DNAH9: variants seen among roughly 807,000 people sequenced by gnomAD.
DNAH9 encodes DNAH9 variant protein.
A neutral mutation model predicts 471.6 loss-of-function variants in DNAH9; 345 were observed. The observed-to-expected ratio is 0.73, with a 90% CI of 0.67 to 0.80. DNAH9 has a LOEUF of 0.80. Ranked by LOEUF, DNAH9 falls within the 30% of genes least tolerant of loss-of-function variation. DNAH9 has a pLI of 0.00. For missense variants in DNAH9, 5,407 were observed against 5,609.2 expected (o/e 0.96, Z 1.15); for synonymous variants, 2,093 against 2,123.6 (o/e 0.99, Z 0.40).
chr17:11,788,804 GAC>G (rs1199471267), intron 41 of DNAH9, among the ~76,000 whole-genome samples: 1 of 152,090 alleles, frequency 6.6e-6, no homozygotes, highest in African/African-American at 2.4e-5. Context: ...GTAGCATTTT[GAC>G]ACAGTCGTGA....
intron 8 of DNAH9, 130 bp from the exon 9 acceptor site, chr17:11,636,504 C>A: frequency 1.5e-6 from 1 of 652,522 alleles, no homozygotes; most frequent in Non-Finnish European, 2.7e-6. Flanking sequence ...AGGTCCAGCT[C>A]CACAATAACA....
In DNAH9 at chr17:11,679,858, T is replaced by A. The variant is rs1342596756; in HGVS notation, c.3455T>A (p.Leu1152His). 6.2e-7 allele frequency: 1 copy of A among 1,614,064 alleles called. No individual in the cohort carries two copies. The highest frequency in any genetic ancestry group is 2.2e-5 in the East Asian group (1 of 44,868). ...FQGLVEIMGHLMAVKERQSNT... is the reference protein window; with the variant it reads ...FQGLVEIMGHHMAVKERQSNT... ...GGCTTGGTTGAGATCATGGGACACC[T>A]TATGGCTGTTAAAGAACGGCAGAGT... Residue 1152 changes from leucine to histidine, a missense_variant, in exon 18 of 69, where the codon CTT becomes CAT. Transcript: ENST00000262442.
At chr17:11,938,579 T>TA (rs1232011649) in intron 66 of DNAH9, among the ~76,000 whole-genome samples, 1 of 151,946 alleles carries the variant, frequency 6.6e-6, no homozygotes, top group African/African-American at 2.4e-5. Context: ...CACCCCATGG[T>TA]ACTGCCTGGA....
intron 45 of DNAH9, among the ~76,000 whole-genome samples, chr17:11,815,175 C>A (rs1970052701): frequency 7.1e-6 from 1 of 141,370 alleles, no homozygotes; most frequent in African/African-American, 2.6e-5. Context: ...TCAGACTTTT[C>A]TTTTCCTTTT....
intron 6 of DNAH9, among the ~76,000 whole-genome samples, chr17:11,624,492 G>C (rs755615832): frequency 6.6e-6 from 1 of 151,210 alleles, no homozygotes; most frequent in Non-Finnish European, 1.5e-5. Context: ...GTGGGTGACA[G>C]AGCAAGACTC....
At chr17:11,786,373 A>G (rs1968869392) in intron 41 of DNAH9, among the ~76,000 whole-genome samples, 1 of 152,152 alleles carries the variant, frequency 6.6e-6, no homozygotes, top group African/African-American at 2.4e-5. Flanking sequence ...GTGGAATAGC[A>G]AGGAGTTTAG....
In DNAH9 at chr17:11,909,091, A is replaced by G. The variant is rs142040588; in HGVS notation, c.11749+3282A>G. 7.2e-5 allele frequency among the ~76,000 whole-genome samples: 11 copies of G among 152,358 alleles called. No individual in the cohort carries two copies. The East Asian group carries it at 2.1e-3, about 29-fold the overall frequency. The stretch of plus-strand genomic sequence containing the variant: ...GCATATCCACGAACTCAAACATTTA[A>G]TCATTTCCTTGTGTTGGGAACGTTC... On this transcript the variant is annotated intron_variant, in intron 61 of 68. Coordinates refer to ENST00000262442, the MANE Select transcript of DNAH9 (RefSeq NM_001372.4).
At chr17:11,855,272 T>G (rs1332492468) in intron 50 of DNAH9, among the ~76,000 whole-genome samples, 5 of 152,150 alleles carry the variant, frequency 3.3e-5, no homozygotes, top group African/African-American at 9.7e-5. Context: ...GAGTGAGTGC[T>G]CCAAAGTAAA....
At chr17:11,671,593 G>A (rs1315841276) in intron 17 of DNAH9, among the ~76,000 whole-genome samples, 1 of 152,204 alleles carries the variant, frequency 6.6e-6, no homozygotes, top group Non-Finnish European at 1.5e-5. Flanking sequence ...ATGGCCCAGA[G>A]CATGAGAGCC....
intron 51 of DNAH9, among the ~76,000 whole-genome samples, chr17:11,870,133 A>G (rs1315382665): frequency 6.6e-6 from 1 of 152,242 alleles, no homozygotes; most frequent in East Asian, 1.9e-4. Flanking sequence ...GGAAGTGGAA[A>G]GTCCCAGTAT....
intron 59 of DNAH9, among the ~76,000 whole-genome samples, chr17:11,895,488 GT>G (rs1973192246): frequency 6.6e-6 from 1 of 152,090 alleles, no homozygotes; most frequent in South Asian, 2.1e-4. Flanking sequence ...TATTAAAATG[GT>G]TTATTTTGAG....
At chr17:11,819,968 C>T (rs1057018524) in intron 45 of DNAH9, among the ~76,000 whole-genome samples, 2 of 151,990 alleles carry the variant, frequency 1.3e-5, no homozygotes, top group African/African-American at 4.8e-5. Context: ...TTTGGGGCCT[C>T]CTATATAATG....
At position 11,659,427 on chromosome 17, in the gene DNAH9, G is replaced by A. The variant is rs183602134; in HGVS notation, c.2596-5406G>A. ...ATGGAACACCAAGCTCTGTGCCAAA[G>A]GGTGGAAGGCTGCCCTGCTGCACTG... On this transcript the variant is annotated intron_variant, in intron 14 of 68. Coordinates refer to ENST00000262442, the MANE Select transcript of DNAH9 (RefSeq NM_001372.4). Among the ~76,000 whole-genome samples the A allele has an allele frequency of 9.8e-3, 1,489 of 152,188 alleles. 17 individuals are homozygous for A. The highest frequency in any genetic ancestry group is 0.021 in the Middle Eastern group (6 of 292).
intron 45 of DNAH9, among the ~76,000 whole-genome samples, chr17:11,818,759 C>T (rs1045852768): frequency 1.3e-5 from 2 of 152,152 alleles, no homozygotes; most frequent in Admixed American, 1.3e-4. Context: ...TTGTTTTCAA[C>T]TTTTTAGCTA....
chr17:11,632,841 G>T (rs769062419), intron 8 of DNAH9, 138 bp downstream of exon 8: 1 of 503,734 alleles, frequency 2.0e-6, no homozygotes. Context: ...AGAAGGATAT[G>T]GGAATCCTTC....
chr17:11,695,124 G>A (rs1048372664), intron 22 of DNAH9, among the ~76,000 whole-genome samples: 3 of 151,440 alleles, frequency 2.0e-5, no homozygotes, highest in Non-Finnish European at 4.4e-5. Context: ...TCCTGACCTC[G>A]TGATCTGCCC....
chr17:11,817,259 T>A (rs897667828), intron 45 of DNAH9, among the ~76,000 whole-genome samples: 1 of 152,096 alleles, frequency 6.6e-6, no homozygotes, highest in African/African-American at 2.4e-5. Flanking sequence ...AATATGAAAA[T>A]GCAAATTTTG....
intron 8 of DNAH9, 85 bp downstream of exon 8, chr17:11,632,788 G>A: frequency 1.5e-6 from 1 of 645,294 alleles, no homozygotes; most frequent in Admixed American, 2.3e-5. Flanking sequence ...CTTTCCACCT[G>A]TTCTGTTCCT....
Position 11,834,878 on chromosome 17 carries a change from G to T in DNAH9, c.9487G>T (p.Ala3163Ser). The T allele has an allele frequency of 1.2e-6, 2 of 1,613,244 alleles. No individual in the cohort carries two copies. The highest frequency in any genetic ancestry group is 2.2e-5 in the South Asian group (2 of 90,972). ...AEPALTAAQA[A>S]LNTLNKTNLT... ...GCCAGCACTCACAGCAGCGCAGGCA[G>T]CTCTCAACACCCTGAACAAGGTAGG... is the stretch of plus-strand genomic sequence containing the variant. Residue 3163 changes from alanine (A) to serine (S), a missense_variant, in exon 49 of 69, where the codon GCT becomes TCT. Ala to Ser is a moderately conservative substitution (Grantham distance 99). Transcript: ENST00000262442.
Sources: allele counts gnomAD v4.1 joint callset (sites outside exome capture counted in the v4.1 genomes callset), GRCh38; gene constraint gnomAD v4.1.1; transcripts MANE v1.5; gene names NCBI Gene and HGNC (gene_info 2026-07-23, HGNC 2026-07-21).